UBE2E2: variants seen among roughly 807,000 people sequenced by gnomAD.
The protein encoded by UBE2E2 is ubiquitin conjugating enzyme E2 E2.
UBE2E2 carries 6 observed loss-of-function variants against 24.7 expected under a neutral mutation model. The ratio of observed to expected loss-of-function variants is 0.24; its 90% CI spans 0.13 to 0.48. The LOEUF (loss-of-function observed/expected upper bound fraction) is 0.48, where lower values mean the gene tolerates loss of function less well. Among genes scored for constraint, UBE2E2 ranks in the 20% least tolerant of loss-of-function variants. UBE2E2 has a pLI of 0.99. For synonymous variants in UBE2E2, 104 were observed against 83.6 expected (o/e 1.24, Z -1.33); for missense variants, 169 against 245.0 (o/e 0.69, Z 2.07).
intron 3 of UBE2E2, among the ~76,000 whole-genome samples, chr3:23,262,456 T>G (rs1208785577): frequency 6.6e-6 from 1 of 152,112 alleles, no homozygotes; most frequent in Non-Finnish European, 1.5e-5. Flanking sequence ...TAAAAAATGT[T>G]TTTTTGTGGA....
chr3:23,507,130 C>A (rs1318562304), intron 4 of UBE2E2, among the ~76,000 whole-genome samples: 2 of 152,186 alleles, frequency 1.3e-5, no homozygotes, highest in African/African-American at 4.8e-5. Flanking sequence ...ATTTGTTCTT[C>A]CTTCTGCCTG....
intron 3 of UBE2E2, among the ~76,000 whole-genome samples, chr3:23,378,516 C>G (rs1696581491): frequency 6.6e-6 from 1 of 152,052 alleles, no homozygotes; most frequent in Non-Finnish European, 1.5e-5. Context: ...CAAGTCAAAC[C>G]CATGTTTCTC....
chr3:23,426,857 AT>A (rs1575621568), intron 3 of UBE2E2, among the ~76,000 whole-genome samples: 1 of 152,148 alleles, frequency 6.6e-6, no homozygotes, highest in African/African-American at 2.4e-5. Flanking sequence ...TATTTTTCCT[AT>A]TTTTAATGGA....
intron 5 of UBE2E2, among the ~76,000 whole-genome samples, chr3:23,568,615 A>G (rs1218680766): frequency 0.011 from 14 of 1,230 alleles, no homozygotes; most frequent in East Asian, 0.25. Flanking sequence ...ACATATATAC[A>G]CACACATATA....
intron 3 of UBE2E2, among the ~76,000 whole-genome samples, chr3:23,436,580 A>G (rs1270362165): frequency 6.8e-6 from 1 of 147,608 alleles, no homozygotes; most frequent in African/African-American, 2.5e-5. Context: ...TTTTTTTCCT[A>G]TTCTCAAAGC....
At position 23,449,170 on chromosome 3, in the gene UBE2E2, C is replaced by T. The variant is rs548885383; in HGVS notation, c.228-50438C>T. Among the ~76,000 whole-genome samples, 221 of 152,324 alleles carry T rather than the reference C, an allele frequency of 1.5e-3. 1 individual carries two copies. Among genetic ancestry groups the T allele is most frequent in the African/African-American group, 5.1e-3 (210 of 41,570 alleles). The stretch of plus-strand genomic sequence containing the variant: ...AATACACCTATCACTTTCCATTGAA[C>T]TGTGTGTGCTGCAGCCCAAACAATG... On this transcript the variant is annotated intron_variant, in intron 3 of 5. Coordinates refer to ENST00000396703, the MANE Select transcript of UBE2E2 (RefSeq NM_152653.4).
At chr3:23,533,705 C>G (rs955021527) in intron 5 of UBE2E2, among the ~76,000 whole-genome samples, 2 of 143,974 alleles carry the variant, frequency 1.4e-5, no homozygotes, top group African/African-American at 5.3e-5. Context: ...CTCCCGCAAC[C>G]TCCGCCTCCT....
At chr3:23,514,989 A>G (rs1694696064) in intron 4 of UBE2E2, among the ~76,000 whole-genome samples, 1 of 152,136 alleles carries the variant, frequency 6.6e-6, no homozygotes, top group Non-Finnish European at 1.5e-5. Flanking sequence ...AAATAGCTGA[A>G]TTTCTGATTA....
At chr3:23,281,638 T>C (rs552605305) in intron 3 of UBE2E2, among the ~76,000 whole-genome samples, 1 of 152,092 alleles carries the variant, frequency 6.6e-6, no homozygotes, top group African/African-American at 2.4e-5. Context: ...ATCCTGTCTG[T>C]TTAAAAAAGA....
At chr3:23,411,524 G>A (rs1373603799) in intron 3 of UBE2E2, among the ~76,000 whole-genome samples, 1 of 152,150 alleles carries the variant, frequency 6.6e-6, no homozygotes, top group African/African-American at 2.4e-5. Context: ...GGTTATTGAG[G>A]ACCTCCTGAG....
At chr3:23,586,121 A>T (rs888109790) in intron 5 of UBE2E2, among the ~76,000 whole-genome samples, 1 of 152,214 alleles carries the variant, frequency 6.6e-6, no homozygotes, top group Non-Finnish European at 1.5e-5. Context: ...TATGTGCAGC[A>T]TATGAAAAAG....
intron 3 of UBE2E2, among the ~76,000 whole-genome samples, chr3:23,341,852 C>G (rs1173566880): frequency 1.3e-5 from 2 of 152,018 alleles, no homozygotes; most frequent in Non-Finnish European, 2.9e-5. Context: ...TATCTTAGTT[C>G]TGAAAAGGAA....
chr3:23,527,323 G>T (rs1216824831), intron 4 of UBE2E2, among the ~76,000 whole-genome samples: 5 of 152,110 alleles, frequency 3.3e-5, no homozygotes. Context: ...TTATCTGAGA[G>T]ATATAAAAAC....
intron 3 of UBE2E2, among the ~76,000 whole-genome samples, chr3:23,367,476 C>T (rs1476590681): frequency 6.6e-6 from 1 of 152,122 alleles, no homozygotes; most frequent in Non-Finnish European, 1.5e-5. Context: ...ATGAAACCTC[C>T]ATAATAACTC....
chr3:23,468,355 G>A (rs1698966985), intron 3 of UBE2E2, among the ~76,000 whole-genome samples: 1 of 152,200 alleles, frequency 6.6e-6, no homozygotes, highest in African/African-American at 2.4e-5. Flanking sequence ...CAAGAGCAAA[G>A]AAGACTGTAC....
chr3:23,304,990 T>G (rs1337097167), intron 3 of UBE2E2, among the ~76,000 whole-genome samples: 5 of 152,196 alleles, frequency 3.3e-5, no homozygotes, highest in African/African-American at 1.2e-4. Context: ...ACTTTCCACA[T>G]GTTGATACAT....
intron 4 of UBE2E2, among the ~76,000 whole-genome samples, chr3:23,527,703 C>G (rs941479385): frequency 6.6e-6 from 1 of 151,998 alleles, no homozygotes; most frequent in Non-Finnish European, 1.5e-5. Flanking sequence ...TCAATCATGC[C>G]TACATAATGA....
intron 4 of UBE2E2, among the ~76,000 whole-genome samples, chr3:23,517,794 A>C (rs535530875): frequency 6.6e-6 from 1 of 152,314 alleles, no homozygotes; most frequent in South Asian, 2.1e-4. Flanking sequence ...TGCTTCTAAA[A>C]GGTGGTATTG....
At chr3:23,232,987 C>G (rs2125332885) in intron 3 of UBE2E2, among the ~76,000 whole-genome samples, 1 of 152,292 alleles carries the variant, frequency 6.6e-6, no homozygotes, top group East Asian at 1.9e-4. Context: ...TGGCACAGCC[C>G]ATTGCTTTAA....
Sources: gnomAD v4.1 joint callset for allele counts (sites outside exome capture counted in the v4.1 genomes callset) on GRCh38, gnomAD v4.1.1 for gene constraint, MANE v1.5 for transcripts, NCBI Gene and HGNC (gene_info 2026-07-23, HGNC 2026-07-21) for gene names.